Variants in TBC1D26 observed in about 807,000 individuals in gnomAD.
TBC1D26 encodes the protein TBC1 domain family, member 26.
A neutral mutation model predicts 42.5 loss-of-function variants in TBC1D26; 19 were observed. The observed-to-expected ratio is 0.45, with a 90% CI of 0.31 to 0.66. The LOEUF is 0.66. TBC1D26 is among the 30% of genes least tolerant of loss of function. The pLI, the probability that TBC1D26 is intolerant of heterozygous loss-of-function variation, is 0.06. For synonymous variants in TBC1D26, 97 were observed against 123.5 expected (o/e 0.79, Z 1.42); for missense variants, 228 against 332.6 (o/e 0.69, Z 2.45).
chr17:15,741,535 G>A, intron 10 of TBC1D26: 1 of 478,962 alleles, frequency 2.1e-6, no homozygotes, highest in Non-Finnish European at 3.8e-6. Context: ...CTCCCTGAGT[G>A]TCTTCCTGCC....
At chr17:15,739,656 G>C (rs1967718478) in intron 8 of TBC1D26, among the ~76,000 whole-genome samples, 2 of 152,418 alleles carry the variant, frequency 1.3e-5, no homozygotes, top group South Asian at 4.1e-4. Context: ...ACAGAGAACA[G>C]ATCAGGATGG....
chr17:15,741,347 T>C (rs1967773612), intron 10 of TBC1D26, 126 bp downstream of exon 10: 12 of 1,538,446 alleles, frequency 7.8e-6, no homozygotes, highest in Non-Finnish European at 1.1e-5. Flanking sequence ...GTATCCCAGC[T>C]TGTTTGGAGC....
chr17:15,743,475 T>C lies in TBC1D26; in HGVS notation c.1016T>C (p.Met339Thr), dbSNP rs1365849098. The C allele has an allele frequency of 5.0e-6, 5 of 993,108 alleles. No individual in the cohort carries two copies. The East Asian group carries it at 4.3e-4, about 86-fold the overall frequency. 61.5% of individuals were successfully genotyped at this position (993,108 alleles called of 1,614,324 possible). A position where few individuals can be genotyped will look rare whatever the true frequency, so the allele number is the denominator to read the frequency against. The change falls in exon 14 of 15, where the codon ATG becomes ACG. Residue 339 changes from methionine (M) to threonine (T), a missense_variant. Met to Thr is a moderately conservative substitution (Grantham distance 81). Around this residue, in one of 5 missense-constraint regions of TBC1D26, gnomAD observed 130 missense variants for 168.5 expected, o/e 0.77. Coordinates refer to ENST00000437605, the MANE Select transcript of TBC1D26 (RefSeq NM_001388465.1). ...NAVLRNLQTSMKELTKKHWDL... is the reference protein window; with the variant it reads ...NAVLRNLQTSTKELTKKHWDL... Reference sequence around the variant, plus strand: ...GTCCTCAGGAACCTTCAAACCTCTATGAAGGAACTCACAAAAAAACACTGG... The same window carrying C: ...GTCCTCAGGAACCTTCAAACCTCTACGAAGGAACTCACAAAAAAACACTGG...
intron 14 of TBC1D26, 91 bp downstream of exon 14, chr17:15,743,607 T>C (rs1199900512): frequency 5.7e-6 from 2 of 353,116 alleles, no homozygotes; most frequent in Non-Finnish European, 8.0e-6. Flanking sequence ...TCCTACCTGG[T>C]CTTCCTCCTG....
rs1473809514 is a variant in TBC1D26 at position 15,742,395 on chromosome 17, C to T, written c.742-19C>T. The T allele has an allele frequency of 8.0e-6, 3 of 373,288 alleles. No homozygotes were observed. The highest frequency in any genetic ancestry group is 7.4e-5 in the East Asian group (1 of 13,536). 23.1% of individuals were successfully genotyped at this position (373,288 alleles called of 1,614,324 possible). ...AGGGCAGCCCAGGGGGCCCTGAGCACGTGTGCTCCTCCCTTCAGGGCAAGG... is the reference window on the plus strand; with the variant it reads ...AGGGCAGCCCAGGGGGCCCTGAGCATGTGTGCTCCTCCCTTCAGGGCAAGG... On this transcript the variant is annotated intron_variant, in intron 11 of 14. Transcript: ENST00000437605.
At chr17:15,734,284 C>A (rs1597752410) in intron 1 of TBC1D26, among the ~76,000 whole-genome samples, 1 of 151,968 alleles carries the variant, frequency 6.6e-6, no homozygotes, top group Non-Finnish European at 1.5e-5. Flanking sequence ...GCCACTGGGA[C>A]AGAGCCCCTG....
At position 15,743,437 on chromosome 17, in the gene TBC1D26, G is replaced by A. The variant is rs1377842299; in HGVS notation, c.978G>A (p.Leu326=). The A allele has an allele frequency of 1.9e-5, 19 of 986,926 alleles. No homozygotes were observed. The highest frequency in any genetic ancestry group is 2.3e-5 in the Non-Finnish European group (19 of 830,518). The allele number at this position is 986,926 out of a possible 1,614,324, so 61.1% of individuals were successfully genotyped here. A position where few individuals can be genotyped will look rare whatever the true frequency, so the allele number is the denominator to read the frequency against. Residue 326 remains leucine (L), a synonymous_variant, in exon 14 of 15, where the codon CTG becomes CTA. Coordinates refer to ENST00000437605, the MANE Select transcript of TBC1D26 (RefSeq NM_001388465.1). ...FQERLSQSWA[L]EDNAVLRNLQ... is the part of the protein sequence containing the mutation. Reference sequence around the variant, plus strand: ...AGCGACTCTCTCAGAGCTGGGCCCTGGAGGACAACGCGGTCCTCAGGAACC... The same window carrying A: ...AGCGACTCTCTCAGAGCTGGGCCCTAGAGGACAACGCGGTCCTCAGGAACC...
At position 15,738,045 on chromosome 17, in the gene TBC1D26, G is replaced by A. The variant is rs764720562; in HGVS notation, c.247G>A (p.Ala83Thr). ...KRTNKWQKML[A>T]DWTKYRSTKK... ...TACCAACAAGTGGCAAAAGATGCTTGCAGACTGGACAAAATATAGGAGCAC... is the reference window on the plus strand; with the variant it reads ...TACCAACAAGTGGCAAAAGATGCTTACAGACTGGACAAAATATAGGAGCAC... The change falls in exon 6 of 15, where the codon GCA (alanine) becomes ACA (threonine). Residue 83 changes from alanine (A) to threonine (T), a missense_variant. Physicochemically the swap from Ala to Thr is moderately conservative, Grantham distance 58. This residue lies in a region of TBC1D26 where 72 missense variants were observed against 90.1 expected (regional missense o/e 0.80). Coordinates refer to ENST00000437605, the MANE Select transcript of TBC1D26 (RefSeq NM_001388465.1). 1 of 1,614,100 alleles carries A rather than the reference G, an allele frequency of 6.2e-7. No homozygotes were observed.
intron 2 of TBC1D26, 27 bp from the exon 3 acceptor site, chr17:15,735,321 G>C: frequency 1.9e-6 from 3 of 1,612,312 alleles, no homozygotes; most frequent in Non-Finnish European, 2.5e-6. Flanking sequence ...GGGTGCGGGA[G>C]AGCCTTGGGA....
Position 15,738,310 on chromosome 17 carries a change from C to G in TBC1D26, c.310C>G (p.Leu104Val), listed in dbSNP as rs758467732. The G allele has an allele frequency of 1.2e-6, 2 of 1,613,698 alleles. No individual in the cohort carries two copies. The highest frequency in any genetic ancestry group is 1.6e-4 in the Middle Eastern group (1 of 6,062). The change falls in exon 7 of 15, where the codon CTG (leucine) becomes GTG (valine). Residue 104 changes from leucine to valine, a missense_variant. This residue lies in a region of TBC1D26 where 72 missense variants were observed against 90.1 expected (regional missense o/e 0.80). Coordinates refer to ENST00000437605, the MANE Select transcript of TBC1D26 (RefSeq NM_001388465.1). ...TCAAAGAGTATACAAAGTCATTCCC[C>G]TGGCGGTACGGGGCCGGGCGTGGTC... The part of the protein sequence containing the change: ...LSQRVYKVIP[L>V]AVRGRAWSLL...
chr17:15,738,237 T>A (rs1555568923), intron 6 of TBC1D26, 43 bp from the exon 7 acceptor site: 6 of 1,611,404 alleles, frequency 3.7e-6, no homozygotes, highest in African/African-American at 1.3e-5. Flanking sequence ...CTCTGCGGGG[T>A]CGCCCCATGT....
chr17:15,737,820 C>T (rs1190902578), intron 5 of TBC1D26, 177 bp from the exon 6 acceptor site: 1 of 861,298 alleles, frequency 1.2e-6, no homozygotes, highest in Non-Finnish European at 1.8e-6. Flanking sequence ...GTCATGGCAT[C>T]ACCATTCCAG....
At chr17:15,737,767 G>C (rs1261659791) in intron 5 of TBC1D26, 2 of 787,678 alleles carry the variant, frequency 2.5e-6, no homozygotes, top group Admixed American at 2.8e-5. Flanking sequence ...CTGAAGGCTG[G>C]ACCTGACCAA....
chr17:15,739,632 G>A (rs1244100113), intron 8 of TBC1D26, among the ~76,000 whole-genome samples: 2 of 152,284 alleles, frequency 1.3e-5, no homozygotes, highest in Non-Finnish European at 2.9e-5. Context: ...TCTGGGAAAG[G>A]GCAAACCATA....
chr17:15,741,034 C>T, intron 9 of TBC1D26, 88 bp from the exon 10 acceptor site: 1 of 1,558,842 alleles, frequency 6.4e-7, no homozygotes, highest in South Asian at 1.1e-5. Flanking sequence ...TCCCCAAAGA[C>T]CTGTGCCACC....
intron 12 of TBC1D26, 28 bp downstream of exon 12, chr17:15,742,507 C>A: frequency 4.7e-6 from 1 of 213,552 alleles, no homozygotes. Context: ...GACCCCAGCC[C>A]TGGGACTCTC....
intron 8 of TBC1D26, 45 bp from the exon 9 acceptor site, chr17:15,740,055 T>C (rs779343427): frequency 6.3e-7 from 1 of 1,583,902 alleles, no homozygotes; most frequent in Non-Finnish European, 8.6e-7. Flanking sequence ...ATTGACAGCG[T>C]CTGCACACAC....
chr17:15,739,893 T>G (rs1295280597), intron 8 of TBC1D26, among the ~76,000 whole-genome samples: 1 of 152,258 alleles, frequency 6.6e-6, no homozygotes, highest in East Asian at 1.9e-4. Context: ...CTGATCCAAC[T>G]GTACACCTAC....
rs769403998 is a variant in TBC1D26, at chr17:15,741,218, G to A, written c.643G>A (p.Ala215Thr). ...DAFWALTQLL[A>T]VFYSPNTAWL... ...TTTCTGGGCGCTTACCCAGTTGCTC[G>A]CTGGTGAGAGGCACTCCCTGTGGGT... is the stretch of plus-strand genomic sequence containing the variant. The change falls in exon 10 of 15, where the codon GCT (alanine) becomes ACT (threonine). Residue 215 changes from alanine (A) to threonine (T), a missense_variant. By Grantham distance (58) the Ala-to-Thr change is moderately conservative. This residue lies in a region of TBC1D26 where 130 missense variants were observed against 168.5 expected (regional missense o/e 0.77). Transcript: ENST00000437605. 8 of 1,613,484 alleles carry A rather than the reference G, an allele frequency of 5.0e-6. No individual in the cohort carries two copies. Among genetic ancestry groups the A allele is most frequent in the African/African-American group, 2.7e-5 (2 of 74,890 alleles).
Sources: gnomAD v4.1 joint callset for allele counts (sites outside exome capture counted in the v4.1 genomes callset) on GRCh38, gnomAD v4.1.1 for gene constraint, gnomAD v4.1.1 regional missense constraint, MANE v1.5 for transcripts, NCBI Gene and HGNC (gene_info 2026-07-23, HGNC 2026-07-21) for gene names.